The following TBC1D32 variants were observed in gnomAD, a reference collection of about 807,000 sequenced individuals.
TBC1D32 encodes protein broad-minded.
A neutral mutation model predicts 170.3 loss-of-function variants in TBC1D32; 151 were observed. The observed-to-expected ratio is 0.89, with a 90% CI of 0.78 to 1.01. TBC1D32 has a LOEUF of 1.01. Ranked by LOEUF, TBC1D32 falls within the 50% of genes least tolerant of loss-of-function variation. TBC1D32 has a pLI of 0.00. For missense variants in TBC1D32, 1,464 were observed against 1,457.1 expected (o/e 1.00, Z -0.08); for synonymous variants, 498 against 488.0 (o/e 1.02, Z -0.27).
chr6:121,182,105 T>C lies in TBC1D32; in HGVS notation c.2571-21049A>G, dbSNP rs534362861. ...CAATATATGACTAGGTAGTAAAATA[T>C]ATATAAGTAAACCAAAGAAGTAAAC... On this transcript the variant is annotated intron_variant, in intron 22 of 31. Transcript: ENST00000398212. 2.6e-5 allele frequency among the ~76,000 whole-genome samples: 4 copies of C among 152,136 alleles called. No individual in the cohort carries two copies. The East Asian group carries it at 5.8e-4, about 22-fold the overall frequency.
intron 17 of TBC1D32, among the ~76,000 whole-genome samples, chr6:121,247,731 CATTATACAATA>C (rs766934794): frequency 1.6e-3 from 151 of 93,294 alleles, no homozygotes; most frequent in Non-Finnish European, 2.6e-3. Context: ...CAAAGAAGGA[CATTATACAATA>C]ATGGATTAGT....
chr6:121,263,416 T>A (rs1236828893), intron 15 of TBC1D32, among the ~76,000 whole-genome samples: 1 of 152,056 alleles, frequency 6.6e-6, no homozygotes, highest in Non-Finnish European at 1.5e-5. Flanking sequence ...ATGCACCCAA[T>A]ATAGGAGCAC....
intron 5 of TBC1D32, among the ~76,000 whole-genome samples, chr6:121,305,329 A>G (rs1199978025): frequency 6.6e-6 from 1 of 152,106 alleles, no homozygotes; most frequent in Admixed American, 6.5e-5. Flanking sequence ...AAACTCTAAA[A>G]TAGAAACCAT....
At chr6:121,275,309 T>G (rs903705201) in intron 15 of TBC1D32, among the ~76,000 whole-genome samples, 6 of 149,572 alleles carry the variant, frequency 4.0e-5, no homozygotes, top group Non-Finnish European at 8.8e-5. Context: ...TGAAAGTAGT[T>G]GTCTCTAGAG....
intron 22 of TBC1D32, among the ~76,000 whole-genome samples, chr6:121,172,600 C>CAGAATGGGTAGTAGA (rs1321770206): frequency 2.6e-5 from 4 of 152,134 alleles, no homozygotes; most frequent in Non-Finnish European, 5.9e-5. Flanking sequence ...AAACAGAATA[C>CAGAATGGGTAGTAGA]AGAATGGGTA....
intron 22 of TBC1D32, among the ~76,000 whole-genome samples, chr6:121,190,411 T>C (rs1789838902): frequency 8.4e-6 from 1 of 118,400 alleles, no homozygotes; most frequent in African/African-American, 3.3e-5. Context: ...CCCACACACA[T>C]CCACTCTCTC....
At chr6:121,122,910 T>C (rs994600464) in intron 26 of TBC1D32, among the ~76,000 whole-genome samples, 1 of 151,986 alleles carries the variant, frequency 6.6e-6, no homozygotes, top group Non-Finnish European at 1.5e-5. Context: ...AGGGGCAGGA[T>C]AATGTAAGAT....
intron 5 of TBC1D32, among the ~76,000 whole-genome samples, chr6:121,306,304 A>G (rs1252255515): frequency 6.6e-6 from 1 of 152,188 alleles, no homozygotes; most frequent in East Asian, 1.9e-4. Context: ...TATTAATGGT[A>G]GACAGTAGAC....
At chr6:121,274,332 T>C (rs1801940263) in intron 15 of TBC1D32, among the ~76,000 whole-genome samples, 1 of 149,764 alleles carries the variant, frequency 6.7e-6, no homozygotes, top group African/African-American at 2.5e-5. Context: ...TGAGACTCTG[T>C]CTCAAAAACA....
intron 15 of TBC1D32, among the ~76,000 whole-genome samples, chr6:121,269,572 C>T (rs144103454): frequency 0.033 from 5,003 of 152,122 alleles, 200 homozygotes; most frequent in East Asian, 0.12. Flanking sequence ...CTATCCGAAA[C>T]ATATATGTAC....
At position 121,079,668 on chromosome 6, in the gene TBC1D32, A is replaced by G. The variant is rs1395534541; in HGVS notation, c.*1103T>C. On this transcript the variant is annotated 3_prime_UTR_variant, in exon 32 of 32. Coordinates refer to ENST00000398212, the MANE Select transcript of TBC1D32 (RefSeq NM_152730.6). ...CATTGTGAGTTAAGATATAAAAAAT[A>G]GACATTCACATATTGTATTAATCTT... is the stretch of plus-strand genomic sequence containing the variant. 1 of 152,178 alleles carries G rather than the reference A, an allele frequency of 6.6e-6. No homozygotes were observed. The highest frequency in any genetic ancestry group is 2.4e-5 in the African/African-American group (1 of 41,458). The allele number at this position is 152,178 out of a possible 1,614,324, so 9.4% of individuals were successfully genotyped here.
chr6:121,249,721 T>C (rs1215497326), intron 17 of TBC1D32, among the ~76,000 whole-genome samples: 2 of 150,992 alleles, frequency 1.3e-5, no homozygotes, highest in Non-Finnish European at 3.0e-5. Flanking sequence ...TTACAACAGC[T>C]AAAAAACAAA....
intron 22 of TBC1D32, among the ~76,000 whole-genome samples, chr6:121,173,793 T>C (rs563494188): frequency 3.3e-5 from 5 of 152,004 alleles, no homozygotes; most frequent in Non-Finnish European, 5.9e-5. Context: ...AAAAATTCCA[T>C]CTAACCAGGA....
At chr6:121,162,306 C>A (rs954973989) in intron 22 of TBC1D32, among the ~76,000 whole-genome samples, 6 of 152,130 alleles carry the variant, frequency 3.9e-5, no homozygotes, top group African/African-American at 1.4e-4. Flanking sequence ...AGATTTTCTC[C>A]AAGGGTTTTT....
At position 121,106,126 on chromosome 6, in the gene TBC1D32, T is replaced by TGGA; in HGVS notation, c.3359_3361dup (p.Ile1120_His1121insLeu). 6.3e-7 allele frequency: 1 copy of TGGA among 1,592,410 alleles called. No individual in the cohort carries two copies. The highest frequency in any genetic ancestry group is 8.6e-7 in the Non-Finnish European group (1 of 1,165,962). On this transcript the variant is annotated inframe_insertion, in exon 30 of 32. Coordinates refer to ENST00000398212, the MANE Select transcript of TBC1D32 (RefSeq NM_152730.6). The stretch of plus-strand genomic sequence containing the variant: ...ATGGGTGCTGCAAAAATATACTGGA[T>TGGA]GGATGCCAGATTCTACAGTGTCATT...
At chr6:121,263,804 C>T (rs1013536013) in intron 15 of TBC1D32, among the ~76,000 whole-genome samples, 5 of 152,150 alleles carry the variant, frequency 3.3e-5, no homozygotes, top group African/African-American at 1.2e-4. Context: ...CACACAAATA[C>T]ATCAAAATTG....
chr6:121,305,361 G>C (rs555395873), intron 5 of TBC1D32, among the ~76,000 whole-genome samples: 2 of 151,968 alleles, frequency 1.3e-5, no homozygotes, highest in Non-Finnish European at 2.9e-5. Context: ...TAAGTTAAAA[G>C]TGGCAACAGA....
In TBC1D32 at chr6:121,304,599, A is replaced by G. The variant is rs764016337; in HGVS notation, c.796T>C (p.Ser266Pro). 6.2e-7 allele frequency: 1 copy of G among 1,610,918 alleles called. No individual in the cohort carries two copies. Among genetic ancestry groups the G allele is most frequent in the Non-Finnish European group, 8.5e-7 (1 of 1,178,248 alleles). Reference protein sequence around the residue: ...LAKYLESYFLSRENHIPTLSA... With the variant: ...LAKYLESYFLPRENHIPTLSA... ...AGAGTAGGAATATGATTTTCCCTAG[A>G]AAGAAAGTATGACTCCAAATACTTA... Residue 266 changes from serine to proline, a missense_variant, in exon 7 of 32, where the codon TCT becomes CCT. Physicochemically the swap from Ser to Pro is moderately conservative, Grantham distance 74 (BLOSUM62 -1). Coordinates refer to ENST00000398212, the MANE Select transcript of TBC1D32 (RefSeq NM_152730.6).
At chr6:121,291,930 A>G in intron 12 of TBC1D32, 123 bp downstream of exon 12, 1 of 1,033,138 alleles carries the variant, frequency 9.7e-7, no homozygotes, top group Non-Finnish European at 1.3e-6. Context: ...AGCTATCAAT[A>G]GACTAAAAGG....
Sources: gnomAD v4.1 joint callset for allele counts (sites outside exome capture counted in the v4.1 genomes callset) on GRCh38, gnomAD v4.1.1 for gene constraint, MANE v1.5 for transcripts, NCBI Gene and HGNC (gene_info 2026-07-23, HGNC 2026-07-21) for gene names.